YTHDC2: variants seen among roughly 807,000 people sequenced by gnomAD.
YTHDC2 encodes the protein YTH N6-methyladenosine RNA binding protein C2.
In YTHDC2, 45 loss-of-function variants were observed where a neutral mutation model predicts 174.9. That is an observed-to-expected ratio of 0.26 (90% confidence interval 0.20 to 0.33). The LOEUF (loss-of-function observed/expected upper bound fraction) is 0.33. YTHDC2 is among the 10% of genes least tolerant of loss of function. The pLI, the probability that YTHDC2 is intolerant of heterozygous loss-of-function variation, is 1.00. For synonymous variants in YTHDC2, 657 were observed against 574.5 expected (o/e 1.14, Z -2.05); for missense variants, 1,650 against 1,723.7 (o/e 0.96, Z 0.76).
chr5:113,545,728 A>ATTTTTTTTT (rs1159754942), intron 10 of YTHDC2, among the ~76,000 whole-genome samples: 1 of 49,482 alleles, frequency 2.0e-5, no homozygotes, highest in Non-Finnish European at 3.2e-5. Flanking sequence ...ATTGATCTCC[A>ATTTTTTTTT]TTTTTTTTTT....
chr5:113,568,301 G>T (rs1191660269), intron 23 of YTHDC2, among the ~76,000 whole-genome samples: 1 of 151,880 alleles, frequency 6.6e-6, no homozygotes, highest in Non-Finnish European at 1.5e-5. Context: ...AATATTTTTA[G>T]TATTTTATAT....
Position 113,591,977 on chromosome 5 carries a change from C to A in YTHDC2, c.4030-19C>A. 2 of 1,576,258 alleles carry A rather than the reference C, an allele frequency of 1.3e-6. No individual in the cohort carries two copies. The highest frequency in any genetic ancestry group is 2.7e-5 in the African/African-American group (2 of 73,516). ...AATCTCCTCCTCACCTCTATTCCTT[C>A]CTCCCATTTTACCTACAGGGATTTT... On this transcript the variant is annotated intron_variant, in intron 27 of 29. Transcript: ENST00000161863.
In YTHDC2 at chr5:113,539,323, A is replaced by G. The variant is rs147594130; in HGVS notation, c.1210+142A>G. ...TAATTGTATAACCTTATATTGGAAT[A>G]TTGTCCCAAATATTCCTTTGCTTTC... On this transcript the variant is annotated intron_variant, in intron 8 of 29. Coordinates refer to ENST00000161863, the MANE Select transcript of YTHDC2 (RefSeq NM_022828.5). 19 of 372,566 alleles carry G rather than the reference A, an allele frequency of 5.1e-5. No individual in the cohort carries two copies. The East Asian group carries it at 8.8e-4, about 17-fold the overall frequency. 23.1% of individuals were successfully genotyped at this position (372,566 alleles called of 1,614,324 possible). A position where few individuals can be genotyped will look rare whatever the true frequency, so the allele number is the denominator to read the frequency against.
intron 26 of YTHDC2, among the ~76,000 whole-genome samples, chr5:113,589,321 T>C (rs1778861304): frequency 6.6e-6 from 1 of 150,604 alleles, no homozygotes; most frequent in Non-Finnish European, 1.5e-5. Flanking sequence ...TAGTGTCTAA[T>C]CTGCTGTTCT....
chr5:113,579,349 G>A (rs925444394), intron 23 of YTHDC2, among the ~76,000 whole-genome samples: 1 of 151,784 alleles, frequency 6.6e-6, no homozygotes, highest in African/African-American at 2.4e-5. Context: ...TTATATTCTT[G>A]TCTTTTTTAT....
At chr5:113,570,555 A>C (rs1777649166) in intron 23 of YTHDC2, among the ~76,000 whole-genome samples, 1 of 152,192 alleles carries the variant, frequency 6.6e-6, no homozygotes, top group Non-Finnish European at 1.5e-5. Flanking sequence ...TTATCAGCTT[A>C]AGAAGCTTTT....
At chr5:113,528,809 A>C (rs537527132) in intron 4 of YTHDC2, among the ~76,000 whole-genome samples, 3 of 152,324 alleles carry the variant, frequency 2.0e-5, no homozygotes, top group African/African-American at 4.8e-5. Flanking sequence ...ATGCCTGGCC[A>C]GAAAATGAAA....
chr5:113,593,549 A>AG lies in YTHDC2; in HGVS notation c.*77dup, dbSNP rs1779116290. 2 of 548,918 alleles carry AG rather than the reference A, an allele frequency of 3.6e-6. No homozygotes were observed. Among genetic ancestry groups the AG allele is most frequent in the Non-Finnish European group, 6.3e-6 (2 of 317,278 alleles). 34.0% of individuals were successfully genotyped at this position (548,918 alleles called of 1,614,324 possible). A position where few individuals can be genotyped will look rare whatever the true frequency, so the allele number is the denominator to read the frequency against. ...TGAATGCACTGACTTTCAAAAACTG[A>AG]GGTGGGGTGTGTGTTACGAATGGGC... On this transcript the variant is annotated 3_prime_UTR_variant, in exon 30 of 30. Transcript: ENST00000161863.
Position 113,581,428 on chromosome 5 carries a change from A to T in YTHDC2, c.3366A>T (p.Leu1122Phe), listed in dbSNP as rs144795809. ...TTGAACTATTACAGGCAGCTAGTTT[A>T]TTGCTGCAGCTCAGACAGAAGTGGC... ...HFTLEPEAAS[L>F]LLQLRQKWHS... Residue 1122 changes from leucine to phenylalanine, a missense_variant, in exon 25 of 30, where the codon TTA (leucine) becomes TTT (phenylalanine). Transcript: ENST00000161863. The T allele has an allele frequency of 3.1e-5, 49 of 1,603,012 alleles. No individual in the cohort carries two copies. The highest frequency in any genetic ancestry group is 3.4e-4 in the Middle Eastern group (2 of 5,970).
chr5:113,582,312 T>C (rs1778449904), intron 25 of YTHDC2: 1 of 152,228 alleles, frequency 6.6e-6, no homozygotes, highest in Non-Finnish European at 1.5e-5. Context: ...ACAAGATTTC[T>C]GTTATAATTT....
chr5:113,543,260 C>T (rs928850454), intron 10 of YTHDC2, among the ~76,000 whole-genome samples: 1 of 152,188 alleles, frequency 6.6e-6, no homozygotes, highest in Non-Finnish European at 1.5e-5. Context: ...GATCCCCTCC[C>T]TACGTACCTT....
At position 113,535,796 on chromosome 5, in the gene YTHDC2, A is replaced by G. The variant is rs375410019; in HGVS notation, c.1100A>G (p.Tyr367Cys). ...TATTTTGGAAGTTGTCCAGTGATATATAGTAAGTTAAATTGTCAGATTTCT... is the reference window on the plus strand; with the variant it reads ...TATTTTGGAAGTTGTCCAGTGATATGTAGTAAGTTAAATTGTCAGATTTCT... ...IRYFGSCPVI[Y>C]IQGRPFEVKE... The change falls in exon 7 of 30, where the codon TAT (tyrosine) becomes TGT (cysteine). Residue 367 changes from tyrosine to cysteine, a missense_variant and splice_region_variant. Tyr to Cys is a radical substitution (Grantham distance 194). Transcript: ENST00000161863. 2.5e-6 allele frequency: 4 copies of G among 1,579,962 alleles called. 1 individual carries two copies. The highest frequency in any genetic ancestry group is 2.3e-5 in the South Asian group (2 of 85,462).
chr5:113,525,090 C>CT lies in YTHDC2; in HGVS notation c.389dup (p.Ile131AsnfsTer9). 1 of 1,612,236 alleles carries CT rather than the reference C, an allele frequency of 6.2e-7. No individual in the cohort carries two copies. Among genetic ancestry groups the CT allele is most frequent in the Non-Finnish European group, 8.5e-7 (1 of 1,179,018 alleles). ...TAATACAAAACATGCTGTTAGGAGC[C>CT]TAATTCAAAGATTTCCTGTCACCAA... is the stretch of plus-strand genomic sequence containing the variant. On this transcript the variant is annotated frameshift_variant, in exon 3 of 30. Coordinates refer to ENST00000161863, the MANE Select transcript of YTHDC2 (RefSeq NM_022828.5). LOFTEE classifies it high-confidence loss of function.
At chr5:113,550,397 T>C (rs1479212796) in intron 12 of YTHDC2, among the ~76,000 whole-genome samples, 1 of 152,154 alleles carries the variant, frequency 6.6e-6, no homozygotes, top group African/African-American at 2.4e-5. Flanking sequence ...AGACAGTTGT[T>C]ACTCTAGGAA....
intron 25 of YTHDC2, chr5:113,582,190 G>C (rs149951374): frequency 6.6e-6 from 1 of 152,284 alleles, no homozygotes; most frequent in Non-Finnish European, 1.5e-5. Context: ...TTGAATGCCA[G>C]TTCTTGGTGT....
chr5:113,534,559 C>T, intron 6 of YTHDC2, 152 bp downstream of exon 6: 1 of 463,530 alleles, frequency 2.2e-6, no homozygotes, highest in Non-Finnish European at 3.8e-6. Flanking sequence ...TTTGAACAGG[C>T]TGTAATGATC....
chr5:113,515,255 G>T lies in YTHDC2; in HGVS notation c.188-17G>T, dbSNP rs769322287. ...GCCTATCTACAAATTTTACTACTTTGTTTTTTTTCCGTGTAGAAATGGAAT... is the reference window on the plus strand; with the variant it reads ...GCCTATCTACAAATTTTACTACTTTTTTTTTTTTCCGTGTAGAAATGGAAT... On this transcript the variant is annotated splice_polypyrimidine_tract_variant and intron_variant, in intron 1 of 29. Coordinates refer to ENST00000161863, the MANE Select transcript of YTHDC2 (RefSeq NM_022828.5). The T allele has an allele frequency of 4.4e-6, 7 of 1,584,540 alleles. No individual in the cohort carries two copies. Among genetic ancestry groups the T allele is most frequent in the Non-Finnish European group, 4.3e-6 (5 of 1,167,924 alleles).
At chr5:113,581,021 C>T (rs1010627784) in intron 24 of YTHDC2, among the ~76,000 whole-genome samples, 2 of 152,120 alleles carry the variant, frequency 1.3e-5, no homozygotes, top group African/African-American at 4.8e-5. Flanking sequence ...TGGTGACTTT[C>T]AAGTTTAGAG....
At chr5:113,529,565 A>G (rs1463242657) in intron 4 of YTHDC2, among the ~76,000 whole-genome samples, 1 of 152,168 alleles carries the variant, frequency 6.6e-6, no homozygotes. Flanking sequence ...TTATTTAAAC[A>G]TTTATCAAGC....
Sources: gnomAD v4.1 joint callset for allele counts (sites outside exome capture counted in the v4.1 genomes callset) on GRCh38, gnomAD v4.1.1 for gene constraint, MANE v1.5 for transcripts, NCBI Gene and HGNC (gene_info 2026-07-23, HGNC 2026-07-21) for gene names.